The following ARHGAP8 variants were observed in gnomAD, a reference collection of about 807,000 sequenced individuals.
The protein encoded by ARHGAP8 is Rho GTPase activating protein 8.
In ARHGAP8, 62 loss-of-function variants were observed where a neutral mutation model predicts 46.1. The observed-to-expected ratio is 1.34, with a 90% CI of 1.10 to 1.66. The LOEUF (loss-of-function observed/expected upper bound fraction) is 1.66. ARHGAP8 is among the 40% of genes most tolerant of loss of function. ARHGAP8 has a pLI of 0.00. For missense variants in ARHGAP8, 923 were observed against 568.4 expected (o/e 1.62, Z -6.34); for synonymous variants, 375 against 243.1 (o/e 1.54, Z -5.05).
chr22:44,862,079 G>A (rs927427832), intron 11 of ARHGAP8, among the ~76,000 whole-genome samples, 196 bp from the exon 12 acceptor site: 2 of 152,218 alleles, frequency 1.3e-5, no homozygotes, highest in Non-Finnish European at 2.9e-5. Flanking sequence ...TGGAGGCCAA[G>A]CCTTCCTTTT....
chr22:44,815,777 A>G (rs899566775), intron 5 of ARHGAP8, among the ~76,000 whole-genome samples: 6 of 152,054 alleles, frequency 3.9e-5, no homozygotes, highest in Non-Finnish European at 7.3e-5. Flanking sequence ...CCTGGGTCGC[A>G]TGGGCATCTT....
intron 8 of ARHGAP8, 54 bp from the exon 9 acceptor site, chr22:44,847,919 T>C: frequency 6.3e-7 from 1 of 1,599,794 alleles, no homozygotes; most frequent in Non-Finnish European, 8.5e-7. Context: ...TATAATGTCC[T>C]GGAAGCCCTT....
chr22:44,833,184 A>C (rs1467520154), intron 7 of ARHGAP8, among the ~76,000 whole-genome samples: 1 of 148,914 alleles, frequency 6.7e-6, no homozygotes, highest in Non-Finnish European at 1.5e-5. Flanking sequence ...GCAACCTCAG[A>C]TTCCTGGGCT....
chr22:44,853,378 A>G (rs1029489238), intron 10 of ARHGAP8, among the ~76,000 whole-genome samples: 1 of 152,162 alleles, frequency 6.6e-6, no homozygotes, highest in African/African-American at 2.4e-5. Context: ...CTTTGGGGAA[A>G]TGGCAGGTTT....
chr22:44,820,324 G>A (rs887803291), intron 5 of ARHGAP8, among the ~76,000 whole-genome samples: 1 of 152,172 alleles, frequency 6.6e-6, no homozygotes, highest in African/African-American at 2.4e-5. Flanking sequence ...GAAGGTGAGG[G>A]GCTGGGCATG....
In ARHGAP8 at chr22:44,752,603, G is replaced by T. The variant is rs1210804833; in HGVS notation, c.-96G>T. ...TGAGCGGCAGACCCGGCACGCAGGT[G>T]GGGGCCGGCGGGGTCCGTGGCCAGG... On this transcript the variant is annotated 5_prime_UTR_variant, in exon 1 of 12. Coordinates refer to ENST00000356099, the MANE Select transcript of ARHGAP8 (RefSeq NM_181335.3). 6.6e-6 allele frequency: 1 copy of T among 152,012 alleles called. No individual in the cohort carries two copies. Among genetic ancestry groups the T allele is most frequent in the East Asian group, 2.0e-4 (1 of 5,126 alleles). 9.4% of individuals were successfully genotyped at this position (152,012 alleles called of 1,614,324 possible).
chr22:44,857,934 C>G (rs1015985445), intron 10 of ARHGAP8, among the ~76,000 whole-genome samples: 2 of 37,844 alleles, frequency 5.3e-5, no homozygotes, highest in Non-Finnish European at 1.2e-4. Flanking sequence ...CAGGTATTCT[C>G]AGAGGGACCA....
At chr22:44,858,277 A>G (rs1464909292) in intron 10 of ARHGAP8, among the ~76,000 whole-genome samples, 1 of 151,996 alleles carries the variant, frequency 6.6e-6, no homozygotes, top group Non-Finnish European at 1.5e-5. Flanking sequence ...ACAGTAGCAT[A>G]GGCATGCATG....
chr22:44,818,409 A>ATT (rs57966105), intron 5 of ARHGAP8, among the ~76,000 whole-genome samples: 13,831 of 148,420 alleles, frequency 0.093, 940 homozygotes, highest in East Asian at 0.3. Flanking sequence ...AGATCACACC[A>ATT]TTGCACTCCA....
In ARHGAP8 at chr22:44,797,962, C is replaced by T. The variant is rs565768403; in HGVS notation, c.80-4115C>T. Among the ~76,000 whole-genome samples, 158 of 145,342 alleles carry T rather than the reference C, an allele frequency of 1.1e-3. 1 individual carries two copies. The highest frequency in any genetic ancestry group is 3.9e-3 in the African/African-American group (154 of 39,276). ...TGCTGGGATTACAGGCGTGAGCCAC[C>T]GCACCTGGCCAATAAGATTTTTTTT... On this transcript the variant is annotated intron_variant, in intron 2 of 11. Coordinates refer to ENST00000356099, the MANE Select transcript of ARHGAP8 (RefSeq NM_181335.3).
chr22:44,856,822 C>G (rs545598716), intron 10 of ARHGAP8, among the ~76,000 whole-genome samples: 1 of 144,544 alleles, frequency 6.9e-6, no homozygotes, highest in East Asian at 2.0e-4. Flanking sequence ...CCAAAGAACC[C>G]ATTCTTCCGA....
intron 10 of ARHGAP8, among the ~76,000 whole-genome samples, chr22:44,854,887 C>T (rs943050086): frequency 3.9e-5 from 6 of 152,212 alleles, no homozygotes; most frequent in African/African-American, 1.2e-4. Context: ...CTCAGGTGAT[C>T]TGCCCGCCTT....
chr22:44,773,163 A>C (rs891996679), intron 1 of ARHGAP8, among the ~76,000 whole-genome samples: 5 of 152,176 alleles, frequency 3.3e-5, no homozygotes, highest in Non-Finnish European at 7.3e-5. Flanking sequence ...ATAGTGGGCT[A>C]TTCAGGTTAT....
chr22:44,838,556 G>A (rs917711689), intron 7 of ARHGAP8, among the ~76,000 whole-genome samples: 10 of 152,160 alleles, frequency 6.6e-5, no homozygotes, highest in Admixed American at 1.3e-4. Context: ...TTATAGGCGT[G>A]AGCCACCATG....
chr22:44,846,498 C>T (rs562077439), intron 8 of ARHGAP8, among the ~76,000 whole-genome samples: 82 of 152,314 alleles, frequency 5.4e-4, no homozygotes, highest in African/African-American at 1.9e-3. Context: ...ACCCCAGACC[C>T]TGCGGCCCCA....
chr22:44,774,800 G>C (rs1175907102), intron 1 of ARHGAP8, among the ~76,000 whole-genome samples: 2 of 151,804 alleles, frequency 1.3e-5, no homozygotes, highest in Non-Finnish European at 2.9e-5. Flanking sequence ...GGAATTACAG[G>C]CGTGAGCCAC....
At chr22:44,828,425 ATTTTTTTTTT>A (rs535537198) in intron 7 of ARHGAP8, among the ~76,000 whole-genome samples, 1,206 of 118,270 alleles carry the variant, frequency 0.01, 22 homozygotes, top group African/African-American at 0.036. Flanking sequence ...GCAGACCAGA[ATTTTTTTTTT>A]TTTTTTTTTT....
intron 7 of ARHGAP8, among the ~76,000 whole-genome samples, chr22:44,830,257 C>G (rs1474863862): frequency 6.6e-6 from 1 of 152,096 alleles, no homozygotes; most frequent in Non-Finnish European, 1.5e-5. Context: ...GTCCTGACCT[C>G]AGGTGATCCA....
At chr22:44,767,421 C>T (rs1484506083) in intron 1 of ARHGAP8, among the ~76,000 whole-genome samples, 1 of 152,126 alleles carries the variant, frequency 6.6e-6, no homozygotes, top group Non-Finnish European at 1.5e-5. Flanking sequence ...AGCTGCCCCT[C>T]CTGAACAGAA....
Sources: gnomAD v4.1 joint callset for allele counts (sites outside exome capture counted in the v4.1 genomes callset) on GRCh38, gnomAD v4.1.1 for gene constraint, MANE v1.5 for transcripts, NCBI Gene and HGNC (gene_info 2026-07-23, HGNC 2026-07-21) for gene names.